Variants in CNTN4 observed in about 807,000 individuals in gnomAD.
CNTN4 encodes the protein contactin 4, also known as contactin-4.
Under a neutral mutation model 122.5 loss-of-function variants are expected in CNTN4, and 77 were observed. That is an observed-to-expected ratio of 0.63 (90% CI 0.52 to 0.76). CNTN4 has a LOEUF of 0.76. Ranked by LOEUF, CNTN4 falls within the 30% of genes least tolerant of loss-of-function variation. CNTN4 has a pLI of 0.00. For missense variants in CNTN4, 1,256 were observed against 1,259.1 expected, an observed-to-expected ratio of 1.00 and a Z score of 0.04; for synonymous variants, 512 against 447.0, an observed-to-expected ratio of 1.15 and a Z score of -1.83.
chr3:2,368,265 C>T (rs1352170935), intron 3 of CNTN4, among the ~76,000 whole-genome samples: 1 of 151,786 alleles, frequency 6.6e-6, no homozygotes. Context: ...ATCTCCTGAC[C>T]TCATGATCCG....
At chr3:2,819,313 A>G (rs181274220) in intron 6 of CNTN4, among the ~76,000 whole-genome samples, 173 bp from the exon 7 acceptor site, 54 of 152,338 alleles carry the variant, frequency 3.5e-4, no homozygotes, top group African/African-American at 1.1e-3. Context: ...TAACCATAAA[A>G]TCAAGGAGGA....
intron 2 of CNTN4, among the ~76,000 whole-genome samples, chr3:2,265,244 T>G (rs2040995836): frequency 6.6e-6 from 1 of 152,182 alleles, no homozygotes; most frequent in Non-Finnish European, 1.5e-5. Flanking sequence ...CATATTTTCT[T>G]TATCCACTTA....
intron 2 of CNTN4, among the ~76,000 whole-genome samples, chr3:2,164,766 C>T (rs1209906830): frequency 6.6e-6 from 1 of 152,070 alleles, no homozygotes; most frequent in Non-Finnish European, 1.5e-5. Context: ...ATAGTATTCT[C>T]TCACCAGACA....
At chr3:2,374,809 A>G (rs1239082118) in intron 3 of CNTN4, among the ~76,000 whole-genome samples, 2 of 152,218 alleles carry the variant, frequency 1.3e-5, no homozygotes, top group African/African-American at 2.4e-5. Flanking sequence ...TCATTTAATG[A>G]TGAAATGAAG....
rs574659623 is a variant in CNTN4 at position 2,490,540 on chromosome 3, C to T, written c.-88-80876C>T. Among the ~76,000 whole-genome samples, 54 of 152,204 alleles carry T rather than the reference C, an allele frequency of 3.5e-4. 1 individual carries two copies. In the South Asian group the frequency reaches 0.01, roughly 29 times the overall value. On this transcript the variant is annotated intron_variant, in intron 3 of 24. Coordinates refer to ENST00000418658, the MANE Select transcript of CNTN4 (RefSeq NM_175607.3). ...AAAGTTGTTCAAAAATGCATGTCTC[C>T]GGGTATGGTGGAAATGCCTATTTTA... is the stretch of plus-strand genomic sequence containing the variant.
chr3:2,384,438 T>TG (rs2046158979), intron 3 of CNTN4, among the ~76,000 whole-genome samples: 1 of 152,142 alleles, frequency 6.6e-6, no homozygotes, highest in African/African-American at 2.4e-5. Context: ...GATTAAATTG[T>TG]GGGGAAAAAG....
chr3:2,298,836 G>C (rs185635744), intron 2 of CNTN4, among the ~76,000 whole-genome samples: 6 of 152,310 alleles, frequency 3.9e-5, no homozygotes, highest in Admixed American at 3.3e-4. Context: ...GGCCATGATA[G>C]TTTTTGTGAG....
chr3:2,895,949 C>T (rs965302971), intron 10 of CNTN4, among the ~76,000 whole-genome samples: 2 of 152,116 alleles, frequency 1.3e-5, no homozygotes, highest in Admixed American at 6.5e-5. Flanking sequence ...AGGAGAATGG[C>T]GTGAACCCAG....
At chr3:2,639,438 C>A (rs1336350182) in intron 4 of CNTN4, among the ~76,000 whole-genome samples, 3 of 152,188 alleles carry the variant, frequency 2.0e-5, no homozygotes, top group Non-Finnish European at 2.9e-5. Flanking sequence ...CTTAATGAAG[C>A]TATTCTAAAC....
chr3:2,099,209 G>A (rs997505481), intron 1 of CNTN4: 1 of 152,364 alleles, frequency 6.6e-6, no homozygotes, highest in Non-Finnish European at 1.5e-5. Flanking sequence ...ACGCCTGAGC[G>A]CGGAGGACTC....
chr3:2,106,630 G>T (rs969578004), intron 2 of CNTN4, among the ~76,000 whole-genome samples: 5 of 152,158 alleles, frequency 3.3e-5, no homozygotes, highest in Admixed American at 6.5e-5. Flanking sequence ...CCTTGTCCAA[G>T]AAACCGTTTT....
At chr3:2,271,481 T>G (rs554728370) in intron 2 of CNTN4, among the ~76,000 whole-genome samples, 1 of 152,194 alleles carries the variant, frequency 6.6e-6, no homozygotes, top group Non-Finnish European at 1.5e-5. Flanking sequence ...CTCCATTTCT[T>G]CATTTGTTAA....
At chr3:2,799,698 T>C (rs1203698750) in intron 6 of CNTN4, among the ~76,000 whole-genome samples, 1 of 152,162 alleles carries the variant, frequency 6.6e-6, no homozygotes, top group African/African-American at 2.4e-5. Flanking sequence ...TCCTATAGTT[T>C]CAGGTCATAA....
chr3:2,763,536 C>G (rs2090695893), intron 6 of CNTN4, among the ~76,000 whole-genome samples: 2 of 152,068 alleles, frequency 1.3e-5, no homozygotes, highest in South Asian at 4.1e-4. Context: ...CTTTTGTTGT[C>G]TTTGTAATGA....
intron 8 of CNTN4, among the ~76,000 whole-genome samples, chr3:2,877,225 C>G (rs1467939467): frequency 1.3e-5 from 2 of 152,196 alleles, no homozygotes; most frequent in Non-Finnish European, 2.9e-5. Flanking sequence ...ATCTGTGTTA[C>G]CACAGTGTGC....
chr3:2,627,501 T>TG (rs1431928761), intron 4 of CNTN4, among the ~76,000 whole-genome samples: 1 of 148,530 alleles, frequency 6.7e-6, no homozygotes, highest in East Asian at 1.9e-4. Context: ...TTTTTTTTTT[T>TG]TTTTTTTTTT....
chr3:2,273,641 C>T (rs564688886), intron 2 of CNTN4, among the ~76,000 whole-genome samples: 1 of 152,098 alleles, frequency 6.6e-6, no homozygotes, highest in African/African-American at 2.4e-5. Flanking sequence ...ATTGACTGAG[C>T]CTGCCTAGTA....
intron 3 of CNTN4, among the ~76,000 whole-genome samples, chr3:2,551,494 T>G (rs1339124040): frequency 6.6e-6 from 1 of 152,080 alleles, no homozygotes; most frequent in East Asian, 1.9e-4. Flanking sequence ...CAAATTTATA[T>G]GAACACCTAA....
At chr3:2,708,525 T>C (rs923492273) in intron 4 of CNTN4, among the ~76,000 whole-genome samples, 3 of 152,202 alleles carry the variant, frequency 2.0e-5, no homozygotes, top group African/African-American at 7.2e-5. Flanking sequence ...AGATAAGCAA[T>C]CACTTCAGTG....
Sources: gnomAD v4.1 joint callset for allele counts (sites outside exome capture counted in the v4.1 genomes callset) on GRCh38, gnomAD v4.1.1 for gene constraint, MANE v1.5 for transcripts, NCBI Gene and HGNC (gene_info 2026-07-23, HGNC 2026-07-21) for gene names.